Variants in GRIK1 observed in about 807,000 individuals in gnomAD.
GRIK1 encodes the protein glutamate receptor ionotropic, kainate 1.
GRIK1 carries 69 observed loss-of-function variants against 105.7 expected under a neutral mutation model. The ratio of observed to expected loss-of-function variants is 0.65; its 90% CI spans 0.54 to 0.80. The LOEUF (loss-of-function observed/expected upper bound fraction) is 0.80, where lower values mean the gene tolerates loss of function less well. Ranked by LOEUF, GRIK1 falls within the 30% of genes least tolerant of loss-of-function variation. The pLI is 0.00. For synonymous variants in GRIK1, 438 were observed against 431.3 expected, an observed-to-expected ratio of 1.02 and a Z score of -0.19; for missense variants, 1,109 against 1,167.3, an observed-to-expected ratio of 0.95 and a Z score of 0.73.
chr21:29,848,876 G>T (rs990151944), intron 1 of GRIK1, among the ~76,000 whole-genome samples: 11 of 146,816 alleles, frequency 7.5e-5, no homozygotes, highest in Non-Finnish European at 1.3e-4. Flanking sequence ...CTTAAATGTC[G>T]TCTCTTATGG....
intron 15 of GRIK1, 23 bp from the exon 16 acceptor site, chr21:29,555,325 A>G (rs1335009364): frequency 6.2e-7 from 1 of 1,602,520 alleles, no homozygotes. Flanking sequence ...CCATCTGGAT[A>G]TTGGTCACCA....
intron 1 of GRIK1, among the ~76,000 whole-genome samples, chr21:29,861,356 GAGTGCAGC>G (rs1010944216): frequency 6.6e-5 from 10 of 152,098 alleles, no homozygotes; most frequent in Admixed American, 3.9e-4. Context: ...ACCCAGGTTG[GAGTGCAGC>G]AGTGCAGTCT....
At chr21:29,687,210 G>A (rs866429740) in intron 3 of GRIK1, among the ~76,000 whole-genome samples, 18 of 152,142 alleles carry the variant, frequency 1.2e-4, no homozygotes, top group African/African-American at 4.1e-4. Flanking sequence ...CGACATCTGT[G>A]TTGGCTTCAG....
chr21:29,782,305 C>G (rs369795085), intron 1 of GRIK1, among the ~76,000 whole-genome samples: 34 of 152,046 alleles, frequency 2.2e-4, no homozygotes, highest in African/African-American at 6.5e-4. Flanking sequence ...CCAGGATGGT[C>G]TCGATCTCCT....
chr21:29,619,567 C>T (rs1165505489), intron 7 of GRIK1, among the ~76,000 whole-genome samples: 1 of 149,722 alleles, frequency 6.7e-6, no homozygotes, highest in African/African-American at 2.4e-5. Flanking sequence ...CAAAATCTCA[C>T]AAATCACCAC....
intron 1 of GRIK1, among the ~76,000 whole-genome samples, chr21:29,853,098 T>C (rs747548370): frequency 1.1e-4 from 17 of 152,336 alleles, no homozygotes; most frequent in Middle Eastern, 3.4e-3. Context: ...ACAATTTAAG[T>C]AAACCACTTT....
chr21:29,826,925 A>G (rs1207746229), intron 1 of GRIK1, among the ~76,000 whole-genome samples: 4 of 152,120 alleles, frequency 2.6e-5, no homozygotes, highest in Admixed American at 6.6e-5. Context: ...AGTCTTCTAC[A>G]TGGTACCAAC....
At chr21:29,551,799 T>C (rs1293580573) in intron 16 of GRIK1, among the ~76,000 whole-genome samples, 1 of 152,144 alleles carries the variant, frequency 6.6e-6, no homozygotes, top group Admixed American at 6.5e-5. Flanking sequence ...GTTTATTAAA[T>C]TGTCTTTGGG....
At chr21:29,789,351 T>G (rs181979675) in intron 1 of GRIK1, among the ~76,000 whole-genome samples, 62 of 152,254 alleles carry the variant, frequency 4.1e-4, no homozygotes, top group Admixed American at 4.1e-3. Context: ...TTAACCAAAC[T>G]TCAATTAAGT....
At chr21:29,567,197 G>T (rs1359846024) in intron 14 of GRIK1, among the ~76,000 whole-genome samples, 1 of 152,042 alleles carries the variant, frequency 6.6e-6, no homozygotes, top group Non-Finnish European at 1.5e-5. Context: ...TTTTCATATA[G>T]TTTCACTGTT....
intron 1 of GRIK1, among the ~76,000 whole-genome samples, chr21:29,775,459 C>T (rs2065919582): frequency 6.6e-6 from 1 of 152,058 alleles, no homozygotes; most frequent in Non-Finnish European, 1.5e-5. Context: ...CTCAGTTGCT[C>T]AGCTGAGGAG....
chr21:29,560,321 T>TTC (rs1491155904), intron 15 of GRIK1, among the ~76,000 whole-genome samples: 1 of 121,646 alleles, frequency 8.2e-6, no homozygotes, highest in Non-Finnish European at 1.7e-5. Flanking sequence ...CTTTCTTTCT[T>TTC]TCTTTCTTTC....
chr21:29,678,478 A>G (rs1232485675), intron 3 of GRIK1, among the ~76,000 whole-genome samples: 1 of 152,142 alleles, frequency 6.6e-6, no homozygotes, highest in Non-Finnish European at 1.5e-5. Flanking sequence ...CCACCAGTAT[A>G]TGTTGGTGCT....
chr21:29,627,951 T>G (rs1348315711), intron 7 of GRIK1, among the ~76,000 whole-genome samples: 2 of 152,234 alleles, frequency 1.3e-5, no homozygotes, highest in African/African-American at 4.8e-5. Flanking sequence ...TCCTGACTTT[T>G]GAATAGAAGA....
chr21:29,754,991 A>G (rs1226808740), intron 1 of GRIK1, among the ~76,000 whole-genome samples: 2 of 152,098 alleles, frequency 1.3e-5, no homozygotes, highest in African/African-American at 4.8e-5. Flanking sequence ...GCTATTATCT[A>G]TCTATCTTGG....
intron 1 of GRIK1, among the ~76,000 whole-genome samples, chr21:29,840,232 AT>A (rs2067938359): frequency 1.3e-5 from 2 of 152,330 alleles, no homozygotes; most frequent in Admixed American, 1.3e-4. Context: ...TAAGAAAAAA[AT>A]AAGATTGGAA....
At chr21:29,736,047 C>T (rs1412017248) in intron 1 of GRIK1, among the ~76,000 whole-genome samples, 1 of 152,020 alleles carries the variant, frequency 6.6e-6, no homozygotes, top group African/African-American at 2.4e-5. Flanking sequence ...ACATAGAAAG[C>T]AATTAAAACT....
At chr21:29,790,675 A>G (rs2066389710) in intron 1 of GRIK1, among the ~76,000 whole-genome samples, 1 of 151,800 alleles carries the variant, frequency 6.6e-6, no homozygotes, top group Admixed American at 6.6e-5. Flanking sequence ...CTTGTCCTGA[A>G]CTCCTGGGCT....
chr21:29,915,367 C>T (rs117924350), intron 1 of GRIK1, among the ~76,000 whole-genome samples: 43 of 151,954 alleles, frequency 2.8e-4, no homozygotes, highest in South Asian at 4.1e-4. Flanking sequence ...AACTATCTAG[C>T]GGTTAAATTT....
Sources: gnomAD v4.1 joint callset for allele counts (sites outside exome capture counted in the v4.1 genomes callset) on GRCh38, gnomAD v4.1.1 for gene constraint, MANE v1.5 for transcripts, NCBI Gene and HGNC (gene_info 2026-07-23, HGNC 2026-07-21) for gene names.